Variants in GRIK2 observed in about 807,000 individuals in gnomAD.
The protein encoded by GRIK2 is glutamate receptor ionotropic, kainate 2.
GRIK2 carries 32 observed loss-of-function variants against 100.3 expected under a neutral mutation model. That is an observed-to-expected ratio of 0.32 (90% CI 0.24 to 0.43). The LOEUF (loss-of-function observed/expected upper bound fraction) is 0.43. GRIK2 is among the 20% of genes least tolerant of loss of function. GRIK2 has a pLI of 1.00. For missense variants in GRIK2, 843 were observed against 1,114.9 expected, an observed-to-expected ratio of 0.76 and a Z score of 3.47; for synonymous variants, 417 against 389.4, an observed-to-expected ratio of 1.07 and a Z score of -0.83.
chr6:101,981,282 T>C (rs1053274238), intron 14 of GRIK2, among the ~76,000 whole-genome samples: 2 of 151,912 alleles, frequency 1.3e-5, no homozygotes, highest in Non-Finnish European at 2.9e-5. Flanking sequence ...TCTGATATGC[T>C]TCTTAGTTTA....
intron 13 of GRIK2, among the ~76,000 whole-genome samples, chr6:101,925,803 T>C (rs2128470725): frequency 6.6e-6 from 1 of 152,118 alleles, no homozygotes; most frequent in African/African-American, 2.4e-5. Flanking sequence ...TGTTATAAAA[T>C]GTTGTTTCTA....
intron 14 of GRIK2, among the ~76,000 whole-genome samples, chr6:101,947,356 AT>A (rs746890390): frequency 3.3e-5 from 5 of 152,198 alleles, no homozygotes; most frequent in Non-Finnish European, 7.3e-5. Flanking sequence ...CATAACAGGA[AT>A]TAAACATTTT....
intron 9 of GRIK2, among the ~76,000 whole-genome samples, chr6:101,811,294 A>T (rs1583194111): frequency 6.6e-6 from 1 of 152,238 alleles, no homozygotes; most frequent in East Asian, 1.9e-4. Context: ...TCTTTATTCA[A>T]GGCTGACACA....
At chr6:101,900,613 A>C (rs1787783620) in intron 12 of GRIK2, among the ~76,000 whole-genome samples, 1 of 150,330 alleles carries the variant, frequency 6.7e-6, no homozygotes, top group African/African-American at 2.4e-5. Flanking sequence ...TGTTTGATAC[A>C]ATAGAGTGTC....
At chr6:101,633,940 C>T (rs1288374446) in intron 4 of GRIK2, among the ~76,000 whole-genome samples, 1 of 152,096 alleles carries the variant, frequency 6.6e-6, no homozygotes, top group African/African-American at 2.4e-5. Flanking sequence ...TTAGAATCTA[C>T]TCTGTTAAAT....
At chr6:101,498,640 G>A (rs989163845) in intron 2 of GRIK2, among the ~76,000 whole-genome samples, 2 of 151,276 alleles carry the variant, frequency 1.3e-5, no homozygotes, top group Non-Finnish European at 2.9e-5. Flanking sequence ...ATTTTTTCAT[G>A]TGTCTTTTGG....
chr6:101,426,821 G>A (rs991987410), intron 2 of GRIK2, among the ~76,000 whole-genome samples: 1 of 152,052 alleles, frequency 6.6e-6, no homozygotes, highest in Admixed American at 6.6e-5. Context: ...CTTGCTAAAT[G>A]AAATTCAAAC....
At chr6:101,955,715 A>C (rs1302567928) in intron 14 of GRIK2, among the ~76,000 whole-genome samples, 2 of 151,592 alleles carry the variant, frequency 1.3e-5, no homozygotes, top group African/African-American at 4.9e-5. Context: ...ACAGCTATAC[A>C]TATTATTCCC....
At chr6:101,657,469 G>C (rs747741562) in intron 4 of GRIK2, among the ~76,000 whole-genome samples, 4 of 152,234 alleles carry the variant, frequency 2.6e-5, no homozygotes, top group Non-Finnish European at 5.9e-5. Flanking sequence ...ATAGCAGTGT[G>C]AGAACAGACT....
At chr6:101,935,199 C>G (rs1790539338) in intron 14 of GRIK2, among the ~76,000 whole-genome samples, 1 of 151,834 alleles carries the variant, frequency 6.6e-6, no homozygotes. Flanking sequence ...ATTAGAAATT[C>G]TTTATGGTAC....
intron 2 of GRIK2, among the ~76,000 whole-genome samples, chr6:101,421,441 T>C (rs59361029): frequency 2.0e-5 from 3 of 152,162 alleles, no homozygotes; most frequent in Admixed American, 6.5e-5. Context: ...GACCTTCCAG[T>C]TGTCTGCGTC....
chr6:102,050,977 C>T (rs1258490288), intron 15 of GRIK2, among the ~76,000 whole-genome samples: 1 of 152,004 alleles, frequency 6.6e-6, no homozygotes, highest in Non-Finnish European at 1.5e-5. Context: ...GGGAGAGATT[C>T]TCATGAAATC....
intron 4 of GRIK2, among the ~76,000 whole-genome samples, chr6:101,646,842 G>A (rs1175642571): frequency 2.6e-5 from 4 of 151,900 alleles, no homozygotes; most frequent in African/African-American, 9.7e-5. Flanking sequence ...GAGGAAAGGA[G>A]AGATGAACAG....
intron 7 of GRIK2, among the ~76,000 whole-genome samples, chr6:101,758,459 T>C (rs1777275684): frequency 6.6e-6 from 1 of 152,196 alleles, no homozygotes; most frequent in Admixed American, 6.5e-5. Context: ...TGCACATTGT[T>C]TATAGTTAAA....
intron 12 of GRIK2, among the ~76,000 whole-genome samples, chr6:101,919,363 A>T (rs949900004): frequency 6.6e-6 from 1 of 151,910 alleles, no homozygotes; most frequent in Non-Finnish European, 1.5e-5. Context: ...TGTCTTAAGC[A>T]TAGTTTGTAT....
chr6:101,740,018 T>G (rs1387164591), intron 7 of GRIK2, among the ~76,000 whole-genome samples: 1 of 152,164 alleles, frequency 6.6e-6, no homozygotes, highest in Non-Finnish European at 1.5e-5. Context: ...TCCCCTGCCC[T>G]CCGCAGAATC....
chr6:101,750,748 T>A (rs1776735792), intron 7 of GRIK2, among the ~76,000 whole-genome samples: 1 of 152,198 alleles, frequency 6.6e-6, no homozygotes. Context: ...GGGTTGTAAC[T>A]ATATAGAGGG....
chr6:101,947,946 G>T lies in GRIK2; in HGVS notation c.2085+19314G>T, dbSNP rs147208182. 4.3e-4 allele frequency among the ~76,000 whole-genome samples: 65 copies of T among 152,170 alleles called. No homozygotes were observed. In the East Asian group the frequency reaches 7.9e-3, roughly 19 times the overall value. ...TAATACCTGATTAGGTCTAATGAGTGCTTGGCAGTCTTCATATTGGAATGA... is the reference window on the plus strand; with the variant it reads ...TAATACCTGATTAGGTCTAATGAGTTCTTGGCAGTCTTCATATTGGAATGA... On this transcript the variant is annotated intron_variant, in intron 14 of 16. Transcript: ENST00000369134.
chr6:101,881,682 A>C (rs2128453523), intron 11 of GRIK2, among the ~76,000 whole-genome samples: 1 of 136,950 alleles, frequency 7.3e-6, no homozygotes, highest in Middle Eastern at 3.6e-3. Context: ...ACACATCTCT[A>C]AAAAAAAAAA....
Sources: allele counts gnomAD v4.1 joint callset (sites outside exome capture counted in the v4.1 genomes callset), GRCh38; gene constraint gnomAD v4.1.1; transcripts MANE v1.5; gene names NCBI Gene and HGNC (gene_info 2026-07-23, HGNC 2026-07-21).